The following LINC00632 variants were observed in gnomAD, a reference collection of about 807,000 sequenced individuals.
LINC00632 encodes ALDOA related specific transcript.
intron 2 of LINC00632, among the ~76,000 whole-genome samples, chrX:140,717,593 C>G (rs183956384): frequency 9.0e-6 from 1 of 111,103 alleles, no homozygotes; most frequent in East Asian, 2.8e-4. Context: ...TACCACACAA[C>G]GCCCAGACTG....
intron 2 of LINC00632, among the ~76,000 whole-genome samples, chrX:140,731,867 A>G (rs912481833): frequency 9.0e-6 from 1 of 111,085 alleles, no homozygotes; most frequent in Non-Finnish European, 1.9e-5. Context: ...ACAGCCCCCA[A>G]ACAAGACAGG....
intron 2 of LINC00632, among the ~76,000 whole-genome samples, chrX:140,724,901 C>CAT (rs1377517658): frequency 2.8e-5 from 1 of 35,852 alleles, no homozygotes; most frequent in Non-Finnish European, 5.9e-5. Flanking sequence ...TACACACACA[C>CAT]ACACATTCCA....
At chrX:140,772,007 T>G (rs1361046798) in intron 3 of LINC00632, 2 of 257,799 alleles carry the variant, frequency 7.8e-6, no homozygotes, top group Non-Finnish European at 1.4e-5. Context: ...TACTCCAAAT[T>G]TATAAGCTAC....
At position 140,748,831 on chromosome X, in the gene LINC00632, C is replaced by T. The variant is rs1170246119; in HGVS notation, n.191+14867C>T. ...ATATTTTATCTATGATATATTTTAT[C>T]TATGATATATATATTTTATATATAT... On this transcript the variant is annotated intron_variant and non_coding_transcript_variant, in intron 3 of 4. Transcript: ENST00000648200. 4.0e-5 allele frequency among the ~76,000 whole-genome samples: 4 copies of T among 99,677 alleles called. No homozygotes were observed. The East Asian group carries it at 1.2e-3, about 31-fold the overall frequency. 86.6% of individuals were successfully genotyped at this position (99,677 alleles called of 115,157 possible). A position where few individuals can be genotyped will look rare whatever the true frequency, so the allele number is the denominator to read the frequency against.
chrX:140,766,193 C>T (rs1385452009), intron 3 of LINC00632, among the ~76,000 whole-genome samples: 1 of 111,897 alleles, frequency 8.9e-6, no homozygotes, highest in Non-Finnish European at 1.9e-5. Flanking sequence ...CCTGGTTTAG[C>T]TGTTCCACGC....
At chrX:140,777,259 TAACA>T (rs1241492999) in exon 5 of LINC00632, among the ~76,000 whole-genome samples, 5 of 112,312 alleles carry the variant, frequency 4.5e-5, no homozygotes, top group Admixed American at 9.5e-5. Flanking sequence ...TATACCTATG[TAACA>T]AACCTGCACG....
At chrX:140,725,251 A>G (rs1930930415) in intron 2 of LINC00632, among the ~76,000 whole-genome samples, 1 of 103,400 alleles carries the variant, frequency 9.7e-6, no homozygotes, top group South Asian at 4.2e-4. Flanking sequence ...ACACACACAC[A>G]TTCCGTACAC....
rs181099755 is a variant in LINC00632 at position 140,789,540 on chromosome X, T to C, written n.17559T>C. Among the ~76,000 whole-genome samples, 554 of 112,049 alleles carry C rather than the reference T, an allele frequency of 4.9e-3. 12 individuals carry two copies. The highest frequency in any genetic ancestry group is 0.048 in the Admixed American group (505 of 10,539). Reference sequence around the variant, plus strand: ...CAATTTTTTTGCACTTTTACAAGGATTTTAAAGAGCTAGTACCTGAGAAAT... The same window carrying C: ...CAATTTTTTTGCACTTTTACAAGGACTTTAAAGAGCTAGTACCTGAGAAAT... On this transcript the variant is annotated non_coding_transcript_exon_variant, in exon 5 of 5. Transcript: ENST00000648200.
chrX:140,778,336 G>C, exon 5 of LINC00632, among the ~76,000 whole-genome samples: 1 of 112,377 alleles, frequency 8.9e-6, no homozygotes, highest in South Asian at 3.7e-4. Flanking sequence ...GCTGGGCGTG[G>C]TGGCTCACGC....
intron 2 of LINC00632, among the ~76,000 whole-genome samples, chrX:140,732,410 C>T (rs754948814): frequency 9.0e-6 from 1 of 111,212 alleles, no homozygotes; most frequent in Admixed American, 9.6e-5. Context: ...ATAATACCTA[C>T]CTAAACACAC....
At chrX:140,724,419 C>T (rs1930867068) in intron 2 of LINC00632, among the ~76,000 whole-genome samples, 1 of 112,665 alleles carries the variant, frequency 8.9e-6, no homozygotes, top group African/African-American at 3.2e-5. Context: ...CACATACACA[C>T]ATTCCACACA....
At chrX:140,742,553 T>C (rs1931240298) in intron 3 of LINC00632, among the ~76,000 whole-genome samples, 1 of 111,055 alleles carries the variant, frequency 9.0e-6, no homozygotes, top group South Asian at 3.8e-4. Context: ...TTTTTAACTT[T>C]CCTTTTTCTG....
At chrX:140,783,228 G>T (rs935069816) in exon 5 of LINC00632, 3 of 198,214 alleles carry the variant, frequency 1.5e-5, no homozygotes, top group Non-Finnish European at 1.9e-5. Flanking sequence ...GTCTTCCAGC[G>T]ACTTCAAGTC....
chrX:140,762,856 T>C (rs1931624689), intron 3 of LINC00632, among the ~76,000 whole-genome samples: 3 of 112,036 alleles, frequency 2.7e-5, no homozygotes, highest in African/African-American at 9.7e-5. Context: ...AGGTGAAAGA[T>C]TGTACAAAAA....
chrX:140,748,411 G>A (rs1355906056), intron 3 of LINC00632, among the ~76,000 whole-genome samples: 2 of 111,774 alleles, frequency 1.8e-5, no homozygotes, highest in Non-Finnish European at 3.8e-5. Flanking sequence ...TTTAATGGCT[G>A]CAGGTGAACA....
rs200624852 is a variant in LINC00632 at position 140,736,819 on chromosome X, GATA to G, written n.191+2859_191+2861del. 9.8e-3 allele frequency among the ~76,000 whole-genome samples: 1,072 copies of G among 109,851 alleles called. 19 individuals are homozygous for G. Among genetic ancestry groups the G allele is most frequent in the African/African-American group, 0.034 (1,027 of 30,227 alleles). On this transcript the variant is annotated intron_variant and non_coding_transcript_variant, in intron 3 of 4. Coordinates refer to ENST00000648200, the Ensembl canonical transcript of LINC00632. ...AAAACTAGCATATCATTTTATTTTT[GATA>G]ATAGGAGGTAGAAAGTATAAAGGTT...
chrX:140,735,555 G>GTATT (rs574366226), intron 3 of LINC00632, among the ~76,000 whole-genome samples: 12,609 of 109,416 alleles, frequency 0.12, 1,070 homozygotes, highest in African/African-American at 0.29. Flanking sequence ...TGATAAAATG[G>GTATT]TATTTATTTA....
chrX:140,771,619 A>ATG (rs1931795099), intron 3 of LINC00632, among the ~76,000 whole-genome samples: 1 of 30,414 alleles, frequency 3.3e-5, no homozygotes, highest in African/African-American at 1.3e-4. Context: ...ATATACACAC[A>ATG]CACACACACA....
chrX:140,760,093 G>A (rs1389194607), intron 3 of LINC00632, among the ~76,000 whole-genome samples: 1 of 112,125 alleles, frequency 8.9e-6, no homozygotes, highest in Non-Finnish European at 1.9e-5. Flanking sequence ...ACTAGTAACA[G>A]CATCCTGGGA....
Sources: allele counts gnomAD v4.1 joint callset (sites outside exome capture counted in the v4.1 genomes callset), GRCh38; gene constraint gnomAD v4.1.1; transcripts MANE v1.5; gene names NCBI Gene and HGNC (gene_info 2026-07-23, HGNC 2026-07-21).